TERT: variants seen among roughly 807,000 people sequenced by gnomAD.
TERT encodes telomerase catalytic subunit.
TERT carries 42 observed loss-of-function variants against 104.0 expected under a neutral mutation model. The ratio of observed to expected loss-of-function variants is 0.40; its 90% CI spans 0.32 to 0.52. The LOEUF (loss-of-function observed/expected upper bound fraction) is 0.52, where lower values mean the gene tolerates loss of function less well. Ranked by LOEUF, TERT falls within the 20% of genes least tolerant of loss-of-function variation. The pLI, the probability that TERT is intolerant of heterozygous loss-of-function variation, is 0.43. For missense variants in TERT, 1,101 were observed against 1,610.3 expected (o/e 0.68, Z 5.41); for synonymous variants, 781 against 725.6 (o/e 1.08, Z -1.23).
intron 3 of TERT, among the ~76,000 whole-genome samples, chr5:1,282,084 T>C (rs1243276587): frequency 1.3e-5 from 2 of 148,966 alleles, no homozygotes; most frequent in African/African-American, 5.1e-5. Flanking sequence ...TGAGACTCCA[T>C]CTCAAAAAAG....
chr5:1,278,661 G>A lies in TERT; in HGVS notation c.2266C>T (p.Arg756Cys), dbSNP rs754018580. The A allele has an allele frequency of 3.7e-6, 6 of 1,614,040 alleles. No homozygotes were observed. Among genetic ancestry groups the A allele is most frequent in the East Asian group, 2.2e-5 (1 of 44,906 alleles). The change falls in exon 6 of 16, where the codon CGC (arginine) becomes TGC (cysteine). Residue 756 changes from arginine to cysteine, a missense_variant. Physicochemically the swap from Arg to Cys is radical, Grantham distance 180. This residue lies in a region of TERT where 463 missense variants were observed against 797.5 expected (regional missense o/e 0.58). Coordinates refer to ENST00000310581, the MANE Select transcript of TERT (RefSeq NM_198253.3). ...VVQKAAHGHV[R>C]KAFKSHVSTL... ...CTTACGTGGCTCTTGAAGGCCTTGC[G>A]GACGTGCCCATGGGCGGCCTTCTGG...
Position 1,268,453 on chromosome 5 carries a change from T to G in TERT, c.2582+67A>C. ...ATGGTCTCCAGAGCACCAGGAATAT[T>G]AACACTGAATGCATCAAAAGCAAAT... On this transcript the variant is annotated intron_variant, in intron 9 of 15. Coordinates refer to ENST00000310581, the MANE Select transcript of TERT (RefSeq NM_198253.3). The surrounding 1 kb of genome is among the most constrained non-coding windows in gnomAD (Gnocchi z 5.5). The G allele has an allele frequency of 8.2e-7, 1 of 1,219,974 alleles. No homozygotes were observed. Among genetic ancestry groups the G allele is most frequent in the Non-Finnish European group, 1.2e-6 (1 of 836,126 alleles). The allele number at this position is 1,219,974 out of a possible 1,614,324, so 75.6% of individuals were successfully genotyped here.
chr5:1,268,955 A>C lies in TERT; in HGVS notation c.2469-322T>G. On this transcript the variant is annotated intron_variant, in intron 8 of 15. Coordinates refer to ENST00000310581, the MANE Select transcript of TERT (RefSeq NM_198253.3). The surrounding 1 kb of genome is among the most constrained non-coding windows in gnomAD (Gnocchi z 5.5). ...CACAGAACCAGACACTTGACCCGGAATGAATGCTTAACCGGACTCCTTTTT... is the reference window on the plus strand; with the variant it reads ...CACAGAACCAGACACTTGACCCGGACTGAATGCTTAACCGGACTCCTTTTT... 1.3e-5 allele frequency among the ~76,000 whole-genome samples: 2 copies of C among 151,998 alleles called. No homozygotes were observed. The highest frequency in any genetic ancestry group is 3.9e-4 in the East Asian group (2 of 5,164).
rs1370809125 is a variant in TERT, at chr5:1,286,041, C to T, written c.1574-3417G>A. 2.0e-5 allele frequency among the ~76,000 whole-genome samples: 3 copies of T among 152,238 alleles called. No homozygotes were observed. The highest frequency in any genetic ancestry group is 4.4e-5 in the Non-Finnish European group (3 of 68,026). On this transcript the variant is annotated intron_variant, in intron 2 of 15. Transcript: ENST00000310581. This position sits in a 1 kb window ranked among gnomAD's most constrained non-coding sequence, Gnocchi z 5.3. ...CCGCAGGTTTGCGCGATTTCAAACTCGACACCGCGGAGCCACCAGACCCCG... is the reference window on the plus strand; with the variant it reads ...CCGCAGGTTTGCGCGATTTCAAACTTGACACCGCGGAGCCACCAGACCCCG...
At chr5:1,254,958 A>G (rs1747611017) in intron 14 of TERT, among the ~76,000 whole-genome samples, 1 of 152,174 alleles carries the variant, frequency 6.6e-6, no homozygotes, top group Non-Finnish European at 1.5e-5. Flanking sequence ...GACGGGAGAC[A>G]GCCCAATCCC....
intron 14 of TERT, 64 bp from the exon 15 acceptor site, chr5:1,254,569 G>C: frequency 1.9e-6 from 3 of 1,550,434 alleles, no homozygotes; most frequent in Non-Finnish European, 2.6e-6. Flanking sequence ...GGAGACACCG[G>C]AAAGCTGCCC....
chr5:1,253,995 A>G (rs968656457), intron 15 of TERT, among the ~76,000 whole-genome samples, 164 bp from the exon 16 acceptor site: 2 of 152,198 alleles, frequency 1.3e-5, no homozygotes, highest in Admixed American at 1.3e-4. Flanking sequence ...GGGCGAGCAG[A>G]CAGGCAGCCC....
chr5:1,254,206 A>T (rs1218666123), intron 15 of TERT, among the ~76,000 whole-genome samples, 162 bp downstream of exon 15: 1 of 152,158 alleles, frequency 6.6e-6, no homozygotes, highest in Non-Finnish European at 1.5e-5. Flanking sequence ...TGGGGACACC[A>T]GCGTTTAATC....
intron 2 of TERT, among the ~76,000 whole-genome samples, chr5:1,285,899 G>A (rs901683379): frequency 1.3e-5 from 2 of 151,878 alleles, no homozygotes; most frequent in Non-Finnish European, 2.9e-5. Flanking sequence ...CATGGCTCAC[G>A]TCATGCTCCT....
chr5:1,275,377 A>G (rs1749481706), intron 6 of TERT, among the ~76,000 whole-genome samples: 1 of 135,266 alleles, frequency 7.4e-6, no homozygotes. Flanking sequence ...CTCTGTTATC[A>G]AAAAAAAAAA....
chr5:1,253,417 A>G lies in TERT; in HGVS notation c.*311T>C. On this transcript the variant is annotated 3_prime_UTR_variant, in exon 16 of 16. Coordinates refer to ENST00000310581, the MANE Select transcript of TERT (RefSeq NM_198253.3). The stretch of plus-strand genomic sequence containing the variant: ...GCGAATCTGGGGATGGACTATTCCT[A>G]TGTGGGGAGTGGAAGCCGGGCTCCT... 1 of 520,184 alleles carries G rather than the reference A, an allele frequency of 1.9e-6. No homozygotes were observed. The allele number at this position is 520,184 out of a possible 1,614,324, so 32.2% of individuals were successfully genotyped here. A position where few individuals can be genotyped will look rare whatever the true frequency, so the allele number is the denominator to read the frequency against.
rs745363596 is a variant in TERT, at chr5:1,294,444, C to A, written c.442G>T (p.Val148Leu). The change falls in exon 2 of 16, where the codon GTG (valine) becomes TTG (leucine). Residue 148 changes from valine to leucine, a missense_variant. By Grantham distance (32) the Val-to-Leu change is conservative. This residue lies in a region of TERT where 47 missense variants were observed against 105.3 expected (regional missense o/e 0.45). Transcript: ENST00000310581. Reference protein sequence around the residue: ...GLLLRRVGDDVLVHLLARCAL... With the variant: ...GLLLRRVGDDLLVHLLARCAL... ...CAGCGTGCCAGCAGGTGAACCAGCACGTCGTCGCCCACGCGGCGCAGCAGC... is the reference window on the plus strand; with the variant it reads ...CAGCGTGCCAGCAGGTGAACCAGCAAGTCGTCGCCCACGCGGCGCAGCAGC... 2.5e-6 allele frequency: 4 copies of A among 1,592,316 alleles called. No homozygotes were observed. Among genetic ancestry groups the A allele is most frequent in the Non-Finnish European group, 3.4e-6 (4 of 1,177,236 alleles).
Position 1,293,650 on chromosome 5 carries a change from G to C in TERT, c.1236C>G (p.His412Gln), listed in dbSNP as rs766229902. The C allele has an allele frequency of 6.4e-7, 1 of 1,560,880 alleles. No individual in the cohort carries two copies. The highest frequency in any genetic ancestry group is 1.2e-5 in the South Asian group (1 of 84,812). ...QCPYGVLLKT[H>Q]CPLRAAVTPA... ...GGGTGACCGCAGCTCGCAGCGGGCA[G>C]TGCGTCTTGAGGAGCACCCCGTAGG... The change falls in exon 2 of 16, where the codon CAC (histidine) becomes CAG (glutamine). Residue 412 changes from histidine to glutamine, a missense_variant. By Grantham distance (24) the His-to-Gln change is conservative. Transcript: ENST00000310581.
chr5:1,284,415 CCG>C, intron 2 of TERT, among the ~76,000 whole-genome samples: 1 of 149,460 alleles, frequency 6.7e-6, no homozygotes, highest in Non-Finnish European at 1.5e-5. Flanking sequence ...CATCCGGACA[CCG>C]CATATCCAGC....
intron 6 of TERT, among the ~76,000 whole-genome samples, chr5:1,277,251 A>G (rs1304760924): frequency 6.6e-6 from 1 of 152,108 alleles, no homozygotes; most frequent in Non-Finnish European, 1.5e-5. Flanking sequence ...CAACATCCCT[A>G]AAGCACGTCT....
intron 6 of TERT, 92 bp downstream of exon 6, chr5:1,278,549 A>G: frequency 6.4e-7 from 1 of 1,565,056 alleles, no homozygotes; most frequent in Non-Finnish European, 8.8e-7. Flanking sequence ...TACCTCCACC[A>G]CAGAAACGCA....
chr5:1,254,456 G>C lies in TERT; in HGVS notation c.3207C>G (p.Ala1069=). 14 of 1,612,976 alleles carry C rather than the reference G, an allele frequency of 8.7e-6. No homozygotes were observed. Among genetic ancestry groups the C allele is most frequent in the Non-Finnish European group, 1.1e-5 (13 of 1,179,916 alleles). ...ATGCTTGGTGGCACAGCCACTGCAC[G>C]GCCTCGGAGGGCAGAGGGCCGGCGG... is the stretch of plus-strand genomic sequence containing the variant. ...KGAAGPLPSE[A]VQWLCHQAFL... Residue 1069 remains alanine (A), a synonymous_variant, in exon 15 of 16, where the codon GCC becomes GCG. Transcript: ENST00000310581.
chr5:1,282,817 G>A (rs1448994884), intron 2 of TERT, 193 bp from the exon 3 acceptor site: 27 of 617,288 alleles, frequency 4.4e-5, no homozygotes, highest in Non-Finnish European at 6.3e-5. Flanking sequence ...TGCACCATTC[G>A]GACACGGGGA....
Position 1,270,946 on chromosome 5 carries a change from C to A in TERT, c.2468+173G>T, listed in dbSNP as rs949990325. On this transcript the variant is annotated intron_variant, in intron 8 of 15. Transcript: ENST00000310581. The surrounding 1 kb of genome is among the most constrained non-coding windows in gnomAD (Gnocchi z 8.3). Reference sequence around the variant, plus strand: ...GCTGCCGCAAGCCGAGCCATGTTTCCGGGGCCTCGGGAGCCTGCAGCCCAG... The same window carrying A: ...GCTGCCGCAAGCCGAGCCATGTTTCAGGGGCCTCGGGAGCCTGCAGCCCAG... Among the ~76,000 whole-genome samples the A allele has an allele frequency of 6.6e-6, 1 of 152,214 alleles. No individual in the cohort carries two copies. The highest frequency in any genetic ancestry group is 1.5e-5 in the Non-Finnish European group (1 of 68,044).
Sources: gnomAD v4.1 joint callset for allele counts (sites outside exome capture counted in the v4.1 genomes callset) on GRCh38, gnomAD v4.1.1 for gene constraint, gnomAD v4.1.1 regional missense constraint, Gnocchi (gnomAD v3.1) non-coding constraint, MANE v1.5 for transcripts, NCBI Gene and HGNC (gene_info 2026-07-23, HGNC 2026-07-21) for gene names.